The following RBFOX1 variants were observed in gnomAD, a reference collection of about 807,000 sequenced individuals.
RBFOX1 encodes RNA binding fox-1 homolog 1, also known as RNA binding protein fox-1 homolog 1.
RBFOX1 carries 8 observed loss-of-function variants against 57.7 expected under a neutral mutation model. The ratio of observed to expected loss-of-function variants is 0.14; its 90% confidence interval spans 0.08 to 0.25. The LOEUF (loss-of-function observed/expected upper bound fraction) is 0.25. Ranked by LOEUF, RBFOX1 falls within the 10% of genes least tolerant of loss-of-function variation. The pLI is 1.00. For synonymous variants in RBFOX1, 326 were observed against 222.4 expected (o/e 1.47, Z -4.15); for missense variants, 611 against 548.5 (o/e 1.11, Z -1.14).
At chr16:7,468,761 C>T (rs1309460059) in intron 4 of RBFOX1, among the ~76,000 whole-genome samples, 1 of 152,076 alleles carries the variant, frequency 6.6e-6, no homozygotes, top group Non-Finnish European at 1.5e-5. Flanking sequence ...AGGAGATTGT[C>T]TGGCTCCTCA....
intron 4 of RBFOX1, among the ~76,000 whole-genome samples, chr16:5,944,804 A>AAAAAAAAAAAAAAAAAG: frequency 7.1e-6 from 1 of 140,904 alleles, no homozygotes; most frequent in Non-Finnish European, 1.5e-5. Flanking sequence ...AAAAAAAAAA[A>AAAAAAAAAAAAAAAAAG]AAAAATTAGC....
chr16:6,206,240 C>G (rs921352773), intron 1 of RBFOX1, among the ~76,000 whole-genome samples: 16 of 152,086 alleles, frequency 1.1e-4, no homozygotes, highest in Non-Finnish European at 1.2e-4. Flanking sequence ...AAGCCAGGCT[C>G]TTTCCCGCTG....
chr16:5,454,944 TTC>T (rs1567535722), intron 1 of RBFOX1, among the ~76,000 whole-genome samples: 203 of 52,536 alleles, frequency 3.9e-3, no homozygotes, highest in Non-Finnish European at 6.2e-3. Context: ...CCTTCCTTCC[TTC>T]CTTCCTTCCT....
At chr16:7,138,812 T>G (rs2072780546) in intron 4 of RBFOX1, among the ~76,000 whole-genome samples, 1 of 152,084 alleles carries the variant, frequency 6.6e-6, no homozygotes, top group Non-Finnish European at 1.5e-5. Context: ...CTGGATAAAC[T>G]CAGACTTTTT....
intron 4 of RBFOX1, among the ~76,000 whole-genome samples, chr16:5,880,930 T>G (rs1160093246): frequency 6.6e-6 from 1 of 152,254 alleles, no homozygotes; most frequent in Non-Finnish European, 1.5e-5. Context: ...GAAGTAGCGA[T>G]AAGCATTATG....
At chr16:7,686,208 C>A (rs963793338) in intron 14 of RBFOX1, among the ~76,000 whole-genome samples, 2 of 151,704 alleles carry the variant, frequency 1.3e-5, no homozygotes, top group Admixed American at 6.6e-5. Context: ...CAAGGAGTTT[C>A]CTGTGGAAAC....
intron 2 of RBFOX1, among the ~76,000 whole-genome samples, chr16:6,604,350 AT>A (rs1042202596): frequency 1.6e-4 from 24 of 151,906 alleles, no homozygotes; most frequent in East Asian, 1.9e-4. Flanking sequence ...TTTTTAATTT[AT>A]TTTTTTTAAG....
chr16:6,922,396 G>C (rs974837626), intron 3 of RBFOX1, among the ~76,000 whole-genome samples: 2 of 152,208 alleles, frequency 1.3e-5, no homozygotes, highest in African/African-American at 4.8e-5. Context: ...ACCCGGCACA[G>C]CAGTGGCTGC....
intron 3 of RBFOX1, among the ~76,000 whole-genome samples, chr16:5,707,664 G>A (rs1196724819): frequency 6.6e-6 from 1 of 152,190 alleles, no homozygotes; most frequent in Non-Finnish European, 1.5e-5. Context: ...TGCTGGTGTT[G>A]CATCCTTGTT....
At chr16:6,125,994 G>C (rs78426124) in intron 1 of RBFOX1, among the ~76,000 whole-genome samples, 1 of 152,142 alleles carries the variant, frequency 6.6e-6, no homozygotes, top group East Asian at 1.9e-4. Context: ...TGCTTCTCAA[G>C]GAGCTTAGTC....
At chr16:6,551,842 G>T (rs1417294476) in intron 2 of RBFOX1, among the ~76,000 whole-genome samples, 1 of 152,176 alleles carries the variant, frequency 6.6e-6, no homozygotes, top group Non-Finnish European at 1.5e-5. Flanking sequence ...TGCCAAGGTG[G>T]TTCTTCTCTC....
chr16:6,105,225 A>G (rs1388111873), intron 1 of RBFOX1, among the ~76,000 whole-genome samples: 1 of 152,226 alleles, frequency 6.6e-6, no homozygotes, highest in Non-Finnish European at 1.5e-5. Flanking sequence ...GAGAATATGT[A>G]CAGTGTCTAC....
intron 2 of RBFOX1, among the ~76,000 whole-genome samples, chr16:6,493,299 G>A (rs1475607302): frequency 6.6e-6 from 1 of 152,036 alleles, no homozygotes; most frequent in African/African-American, 2.4e-5. Flanking sequence ...GGGGTGGTGG[G>A]GTGTTGGAAT....
At chr16:7,460,905 T>G (rs1860554) in intron 4 of RBFOX1, among the ~76,000 whole-genome samples, 1 of 152,104 alleles carries the variant, frequency 6.6e-6, no homozygotes, top group African/African-American at 2.4e-5. Context: ...CCTAGTGATA[T>G]GAAAATGGCT....
At chr16:6,818,775 C>T (rs747095595) in intron 3 of RBFOX1, among the ~76,000 whole-genome samples, 38 of 152,282 alleles carry the variant, frequency 2.5e-4, no homozygotes, top group Admixed American at 9.8e-4. Context: ...GTGATCGAGG[C>T]CTGGCCACTG....
At chr16:6,898,346 G>C (rs116468423) in intron 3 of RBFOX1, among the ~76,000 whole-genome samples, 1,694 of 152,204 alleles carry the variant, frequency 0.011, 34 homozygotes, top group African/African-American at 0.039. Flanking sequence ...GGGGTGAGGA[G>C]AGCAGTCAGA....
At chr16:5,686,873 T>A (rs1167719271) in intron 3 of RBFOX1, among the ~76,000 whole-genome samples, 1 of 152,190 alleles carries the variant, frequency 6.6e-6, no homozygotes, top group Non-Finnish European at 1.5e-5. Context: ...GAATAACTAC[T>A]GTTGAAAAAG....
rs537183808 is a variant in RBFOX1 at position 5,780,633 on chromosome 16, A to G, written c.319-86670A>G. ...TGGGGAGACAGACATTTAACTTTTCATAGGCAAAGTAGGCTGCCTCCTCTC... is the reference window on the plus strand; with the variant it reads ...TGGGGAGACAGACATTTAACTTTTCGTAGGCAAAGTAGGCTGCCTCCTCTC... On this transcript the variant is annotated intron_variant, in intron 3 of 19. Transcript: ENST00000641259. Among the ~76,000 whole-genome samples, 5 of 152,278 alleles carry G rather than the reference A, an allele frequency of 3.3e-5. No individual in the cohort carries two copies. In the East Asian group the frequency reaches 7.7e-4, roughly 24 times the overall value.
At chr16:7,680,189 CA>C (rs1018215213) in intron 14 of RBFOX1, among the ~76,000 whole-genome samples, 15 of 152,134 alleles carry the variant, frequency 9.9e-5, no homozygotes, top group African/African-American at 3.4e-4. Flanking sequence ...AGCCTGGGGG[CA>C]GGCTTCTCTT....
Sources: gnomAD v4.1 joint callset for allele counts (sites outside exome capture counted in the v4.1 genomes callset) on GRCh38, gnomAD v4.1.1 for gene constraint, MANE v1.5 for transcripts, NCBI Gene and HGNC (gene_info 2026-07-23, HGNC 2026-07-21) for gene names.